The following GPC5 variants were observed in gnomAD, a reference collection of about 807,000 sequenced individuals.
GPC5 encodes glypican 5.
A neutral mutation model predicts 53.9 loss-of-function variants in GPC5; 47 were observed. That is an observed-to-expected ratio of 0.87 (90% CI 0.69 to 1.11). The LOEUF is 1.11. Among genes scored for constraint, GPC5 ranks in the 50% most tolerant of loss-of-function variants. The pLI is 0.00. For missense variants in GPC5, 748 were observed against 713.1 expected, an observed-to-expected ratio of 1.05 and a Z score of -0.56; for synonymous variants, 286 against 263.3, an observed-to-expected ratio of 1.09 and a Z score of -0.84.
At chr13:92,407,072 A>G (rs753498939) in intron 7 of GPC5, among the ~76,000 whole-genome samples, 1 of 152,192 alleles carries the variant, frequency 6.6e-6, no homozygotes, top group Non-Finnish European at 1.5e-5. Context: ...ATGGGCAAAT[A>G]CCCAATAGCA....
chr13:91,728,422 ATT>A, intron 3 of GPC5, 108 bp from the exon 4 acceptor site: 1 of 902,076 alleles, frequency 1.1e-6, no homozygotes, highest in Non-Finnish European at 1.7e-6. Context: ...TAAGATTAAT[ATT>A]GAGGTGAAAG....
chr13:92,751,837 T>G (rs1258494326), intron 7 of GPC5, among the ~76,000 whole-genome samples: 1 of 152,224 alleles, frequency 6.6e-6, no homozygotes, highest in Non-Finnish European at 1.5e-5. Flanking sequence ...TAAGTCAATC[T>G]ATGTGTTTCT....
At chr13:91,972,890 GC>G (rs769169550) in intron 6 of GPC5, among the ~76,000 whole-genome samples, 1 of 151,908 alleles carries the variant, frequency 6.6e-6, no homozygotes, top group African/African-American at 2.4e-5. Context: ...CTCTCTGGCT[GC>G]CCTTAACATT....
intron 6 of GPC5, among the ~76,000 whole-genome samples, chr13:92,009,582 T>C (rs1018948796): frequency 1.3e-5 from 2 of 152,222 alleles, no homozygotes; most frequent in Non-Finnish European, 2.9e-5. Flanking sequence ...GCAGCTTTTA[T>C]ATTCAGCAAC....
chr13:92,578,501 T>C (rs1390200803), intron 7 of GPC5, among the ~76,000 whole-genome samples: 2 of 152,126 alleles, frequency 1.3e-5, no homozygotes, highest in Non-Finnish European at 2.9e-5. Flanking sequence ...TGATACACCA[T>C]CTGCAGGCAG....
intron 6 of GPC5, among the ~76,000 whole-genome samples, chr13:91,932,246 C>T (rs993957002): frequency 4.6e-5 from 7 of 151,946 alleles, no homozygotes; most frequent in African/African-American, 1.4e-4. Context: ...TGGGTCTCTC[C>T]GTGACTTCTG....
chr13:92,526,824 T>A (rs2780741), intron 7 of GPC5, among the ~76,000 whole-genome samples: 125,775 of 151,508 alleles, frequency 0.83, 52,671 homozygotes, highest in East Asian at 0.95. Context: ...TTGAAGAGCT[T>A]GGTATTAAAT....
At chr13:92,086,890 C>T (rs372160196) in intron 6 of GPC5, among the ~76,000 whole-genome samples, 1 of 152,134 alleles carries the variant, frequency 6.6e-6, no homozygotes, top group East Asian at 1.9e-4. Flanking sequence ...AACTCCTGAC[C>T]TCAGGTGATC....
At chr13:92,602,839 A>T (rs1395202854) in intron 7 of GPC5, among the ~76,000 whole-genome samples, 4 of 149,182 alleles carry the variant, frequency 2.7e-5, no homozygotes, top group African/African-American at 1.0e-4. Context: ...CCTTATAGTC[A>T]TAGTTTTGAT....
chr13:91,555,372 C>T (rs1382461083), intron 2 of GPC5, among the ~76,000 whole-genome samples: 1 of 151,928 alleles, frequency 6.6e-6, no homozygotes, highest in Non-Finnish European at 1.5e-5. Context: ...TCTAACTTCC[C>T]CGGTGGTAAC....
intron 2 of GPC5, among the ~76,000 whole-genome samples, chr13:91,500,575 G>A (rs181150571): frequency 1.3e-5 from 2 of 152,212 alleles, no homozygotes; most frequent in East Asian, 3.9e-4. Context: ...TTTCCTGTTG[G>A]TGCCATTTTG....
intron 3 of GPC5, among the ~76,000 whole-genome samples, chr13:91,713,290 T>C (rs1315541035): frequency 1.3e-5 from 2 of 152,172 alleles, no homozygotes; most frequent in Non-Finnish European, 2.9e-5. Context: ...CTTATATTTA[T>C]GAAAAAATTG....
At chr13:92,820,452 C>T (rs1291299213) in intron 7 of GPC5, among the ~76,000 whole-genome samples, 1 of 152,058 alleles carries the variant, frequency 6.6e-6, no homozygotes, top group Non-Finnish European at 1.5e-5. Flanking sequence ...CCTGTGAAAC[C>T]CCATTCTTCA....
At chr13:92,474,661 A>G (rs1879036334) in intron 7 of GPC5, among the ~76,000 whole-genome samples, 1 of 152,012 alleles carries the variant, frequency 6.6e-6, no homozygotes. Context: ...CTCCAGTGGA[A>G]ATTAGAAATA....
At chr13:92,542,411 G>T (rs756126342) in intron 7 of GPC5, among the ~76,000 whole-genome samples, 1 of 151,868 alleles carries the variant, frequency 6.6e-6, no homozygotes, top group Non-Finnish European at 1.5e-5. Flanking sequence ...AACATTTTCA[G>T]CTTCTACATA....
At chr13:92,789,496 T>A (rs954091012) in intron 7 of GPC5, among the ~76,000 whole-genome samples, 1 of 152,134 alleles carries the variant, frequency 6.6e-6, no homozygotes, top group Non-Finnish European at 1.5e-5. Context: ...TTTAACAAAC[T>A]CAGGTCATTT....
intron 7 of GPC5, among the ~76,000 whole-genome samples, chr13:92,440,870 C>T (rs1306821985): frequency 6.6e-6 from 1 of 151,962 alleles, no homozygotes; most frequent in East Asian, 1.9e-4. Context: ...TGTTTGTTGG[C>T]CACTTGTATA....
At chr13:92,756,282 C>A (rs1221879760) in intron 7 of GPC5, among the ~76,000 whole-genome samples, 4 of 151,944 alleles carry the variant, frequency 2.6e-5, no homozygotes, top group Admixed American at 6.6e-5. Context: ...ATTCAACAAC[C>A]CTTCATGCTA....
chr13:92,233,738 G>A (rs561983088), intron 7 of GPC5, among the ~76,000 whole-genome samples: 54 of 152,052 alleles, frequency 3.6e-4, no homozygotes, highest in Admixed American at 6.6e-4. Context: ...TACATGTGCC[G>A]TGTTGGTGTG....
Sources: allele counts gnomAD v4.1 joint callset (sites outside exome capture counted in the v4.1 genomes callset), GRCh38; gene constraint gnomAD v4.1.1; transcripts MANE v1.5; gene names NCBI Gene and HGNC (gene_info 2026-07-23, HGNC 2026-07-21).